NOTCH2NLC: variants seen among roughly 807,000 people sequenced by gnomAD.
NOTCH2NLC encodes the protein notch 2 N-terminal like C, also known as notch homolog 2 N-terminal-like protein C.
Under a neutral mutation model 17.7 loss-of-function variants are expected in NOTCH2NLC, and 4 were observed. The observed-to-expected ratio is 0.23, with a 90% CI of 0.11 to 0.52. The LOEUF (loss-of-function observed/expected upper bound fraction) is 0.52. Ranked by LOEUF, NOTCH2NLC falls within the 20% of genes least tolerant of loss-of-function variation. The pLI is 0.96. For synonymous variants in NOTCH2NLC, 18 were observed against 86.0 expected (o/e 0.21, Z 4.38); for missense variants, 57 against 207.2 (o/e 0.28, Z 4.45).
intron 1 of NOTCH2NLC, among the ~76,000 whole-genome samples, chr1:149,419,381 A>G (rs1317237832): frequency 6.0e-5 from 9 of 150,124 alleles, no homozygotes; most frequent in East Asian, 2.0e-4. Flanking sequence ...AGACACAAAC[A>G]TGGAAAGTTT....
chr1:149,441,089 TA>T, intron 2 of NOTCH2NLC, among the ~76,000 whole-genome samples: 1 of 148,062 alleles, frequency 6.8e-6, no homozygotes, highest in East Asian at 2.1e-4. Context: ...AATCAGAATC[TA>T]AGAATCTCTA....
chr1:149,449,071 C>T (rs1275061318), intron 2 of NOTCH2NLC, among the ~76,000 whole-genome samples: 1 of 148,590 alleles, frequency 6.7e-6, no homozygotes, highest in African/African-American at 2.5e-5. Context: ...TTAGTAGAGA[C>T]AGGGTTTCAC....
At chr1:149,437,708 C>A (rs1291585776) in intron 2 of NOTCH2NLC, among the ~76,000 whole-genome samples, 3 of 151,310 alleles carry the variant, frequency 2.0e-5, no homozygotes, top group African/African-American at 7.3e-5. Flanking sequence ...CATGATCTGC[C>A]CGCCTCGGCC....
chr1:149,419,853 ATATTTTT>A (rs1289294820), intron 1 of NOTCH2NLC, among the ~76,000 whole-genome samples: 14 of 110,910 alleles, frequency 1.3e-4, no homozygotes, highest in Admixed American at 4.1e-4. Flanking sequence ...ATATATATAT[ATATTTTT>A]TTTTTTTTTT....
chr1:149,411,978 T>TG (rs2084300427), intron 1 of NOTCH2NLC, among the ~76,000 whole-genome samples: 1 of 101,122 alleles, frequency 9.9e-6, no homozygotes, highest in Non-Finnish European at 2.0e-5. Context: ...TAGCCAGGAG[T>TG]GGGGGTGCAC....
chr1:149,393,094 A>C (rs1403221541), intron 1 of NOTCH2NLC, among the ~76,000 whole-genome samples: 1 of 147,330 alleles, frequency 6.8e-6, no homozygotes, highest in Admixed American at 6.7e-5. Flanking sequence ...AAAAAAAAAA[A>C]GTATTAAATA....
rs2084161373 is a variant in NOTCH2NLC, at chr1:149,390,845, C to CGGCGGCGGCGGCG, written c.59_60insGCGGCGGCGGCGG (p.Glu21ArgfsTer35). On this transcript the variant is annotated frameshift_variant, in exon 1 of 5. Transcript: ENST00000650865. LOFTEE classifies it high-confidence loss of function. ...CGGCGGCGGCGGAGGAGGCGGCGAC[C>CGGCGGCGGCGGCG]GAGAAGATGCCCGCCCTGCGCCGCT... 1.1e-6 allele frequency: 1 copy of CGGCGGCGGCGGCG among 901,388 alleles called. No homozygotes were observed. Among genetic ancestry groups the CGGCGGCGGCGGCG allele is most frequent in the African/African-American group, 3.8e-5 (1 of 26,522 alleles). 55.8% of individuals were successfully genotyped at this position (901,388 alleles called of 1,614,324 possible). A position where few individuals can be genotyped will look rare whatever the true frequency, so the allele number is the denominator to read the frequency against.
chr1:149,462,867 G>A (rs1344795573), intron 3 of NOTCH2NLC, among the ~76,000 whole-genome samples: 1 of 110,786 alleles, frequency 9.0e-6, no homozygotes, highest in African/African-American at 3.5e-5. Flanking sequence ...ATGGAGTCTT[G>A]CTGTGTTGCC....
intron 2 of NOTCH2NLC, among the ~76,000 whole-genome samples, chr1:149,437,130 GA>G (rs2084486728): frequency 2.1e-5 from 3 of 141,988 alleles, no homozygotes; most frequent in Non-Finnish European, 3.1e-5. Context: ...AGCCAAGTAT[GA>G]AAAAAACTGA....
rs2084254536 is a variant in NOTCH2NLC, at chr1:149,403,929, C to CA, written c.135+13013dup. On this transcript the variant is annotated intron_variant, in intron 1 of 4. Transcript: ENST00000650865. Reference sequence around the variant, plus strand: ...ATAACTTTTGTATGCACTGGGGAACCAAAAAATTTCTGACTTGCTTCATTG... The same window carrying CA: ...ATAACTTTTGTATGCACTGGGGAACCAAAAAAATTTCTGACTTGCTTCATTG... 2.1e-5 allele frequency among the ~76,000 whole-genome samples: 3 copies of CA among 140,674 alleles called. No individual in the cohort carries two copies. The Admixed American group carries it at 2.2e-4, about 10-fold the overall frequency. The allele number at this position is 140,674 out of a possible 152,430, so 92.3% of individuals were successfully genotyped here.
At chr1:149,449,601 A>AT (rs1286586795) in intron 2 of NOTCH2NLC, among the ~76,000 whole-genome samples, 1 of 150,932 alleles carries the variant, frequency 6.6e-6, no homozygotes, top group African/African-American at 2.4e-5. Flanking sequence ...TAACCTGGAA[A>AT]TTGTAGAGAG....
chr1:149,423,451 A>G (rs2084390503), intron 1 of NOTCH2NLC, among the ~76,000 whole-genome samples: 1 of 150,820 alleles, frequency 6.6e-6, no homozygotes, highest in Non-Finnish European at 1.5e-5. Context: ...GGGCGCTATG[A>G]GAATTATTGC....
Position 149,390,778 on chromosome 1 carries a change from C to T in NOTCH2NLC, c.-10C>T, listed in dbSNP as rs1461112968. On this transcript the variant is annotated 5_prime_UTR_variant, in exon 1 of 5. Transcript: ENST00000650865. ...AGAGAGTGGGGCTCCTCTATCGGGA[C>T]CCCCTCCCCATGTGGATCTGCCCAG... The T allele has an allele frequency of 1.2e-5, 14 of 1,183,618 alleles. 1 individual carries two copies. The South Asian group carries it at 1.3e-4, about 11-fold the overall frequency. The allele number at this position is 1,183,618 out of a possible 1,614,324, so 73.3% of individuals were successfully genotyped here. A position where few individuals can be genotyped will look rare whatever the true frequency, so the allele number is the denominator to read the frequency against.
intron 1 of NOTCH2NLC, among the ~76,000 whole-genome samples, chr1:149,396,115 G>T (rs1418191493): frequency 2.0e-5 from 3 of 148,786 alleles, no homozygotes; most frequent in African/African-American, 7.4e-5. Context: ...GAGTTGGAGT[G>T]TGTTTCTATG....
intron 1 of NOTCH2NLC, among the ~76,000 whole-genome samples, chr1:149,426,837 A>T (rs1352280763): frequency 6.7e-6 from 1 of 149,738 alleles, no homozygotes; most frequent in Admixed American, 6.7e-5. Context: ...TGTTAAATTT[A>T]AGTGTTTTAC....
At chr1:149,391,118 T>G (rs1172715524) in intron 1 of NOTCH2NLC, among the ~76,000 whole-genome samples, 196 bp downstream of exon 1, 2 of 65,106 alleles carry the variant, frequency 3.1e-5, no homozygotes, top group African/African-American at 6.2e-5. Context: ...CCGCCGGGGT[T>G]CCCCGCCAAC....
chr1:149,395,027 T>A (rs1307583464), intron 1 of NOTCH2NLC, among the ~76,000 whole-genome samples: 1 of 149,538 alleles, frequency 6.7e-6, no homozygotes, highest in Non-Finnish European at 1.5e-5. Context: ...ACAGAGCCAA[T>A]TAGAGTTGAG....
rs1280158066 is a variant in NOTCH2NLC at position 149,419,227 on chromosome 1, G to A, written c.136-11715G>A. On this transcript the variant is annotated intron_variant, in intron 1 of 4. Transcript: ENST00000650865. ...GAATTTATATTGTTTCTTTTGATCC[G>A]AGATCTTCAGGCTGAAGCTGGAGAG... Among the ~76,000 whole-genome samples the A allele has an allele frequency of 4.7e-5, 7 of 149,796 alleles. 1 individual carries two copies. The East Asian group carries it at 6.0e-4, about 13-fold the overall frequency.
intron 1 of NOTCH2NLC, among the ~76,000 whole-genome samples, chr1:149,424,924 A>G (rs2084404720): frequency 6.6e-6 from 1 of 151,316 alleles, no homozygotes. Context: ...GGTGGGCACC[A>G]AGTTATTCAT....
Sources: gnomAD v4.1 joint callset for allele counts (sites outside exome capture counted in the v4.1 genomes callset) on GRCh38, gnomAD v4.1.1 for gene constraint, MANE v1.5 for transcripts, NCBI Gene and HGNC (gene_info 2026-07-23, HGNC 2026-07-21) for gene names.